DPYD: variants seen among roughly 807,000 people sequenced by gnomAD.
DPYD encodes the protein dihydropyrimidine dehydrogenase [NADP(+)].
In DPYD, 109 loss-of-function variants were observed where a neutral mutation model predicts 116.2. That is an observed-to-expected ratio of 0.94 (90% CI 0.80 to 1.10). The LOEUF (loss-of-function observed/expected upper bound fraction) is 1.10, where lower values mean the gene tolerates loss of function less well. Among genes scored for constraint, DPYD ranks in the 50% least tolerant of loss-of-function variants. The pLI, the probability that DPYD is intolerant of heterozygous loss-of-function variation, is 0.00. For synonymous variants in DPYD, 440 were observed against 432.0 expected (o/e 1.02, Z -0.23); for missense variants, 1,302 against 1,254.5 (o/e 1.04, Z -0.57).
chr1:97,231,743 A>T (rs1661601031), intron 19 of DPYD, among the ~76,000 whole-genome samples: 1 of 152,108 alleles, frequency 6.6e-6, no homozygotes, highest in Non-Finnish European at 1.5e-5. Flanking sequence ...ATATTTAAAA[A>T]TTTCACTCTC....
chr1:97,677,196 A>C (rs761869921), intron 8 of DPYD, among the ~76,000 whole-genome samples: 3 of 152,184 alleles, frequency 2.0e-5, no homozygotes, highest in Non-Finnish European at 4.4e-5. Flanking sequence ...TAATTTGCTT[A>C]TGTAATTAAT....
chr1:97,587,949 G>A (rs1170510209), intron 10 of DPYD, among the ~76,000 whole-genome samples: 2 of 151,856 alleles, frequency 1.3e-5, no homozygotes, highest in Admixed American at 1.3e-4. Context: ...AGGCCTATAG[G>A]TCATGCCACA....
intron 20 of DPYD, among the ~76,000 whole-genome samples, chr1:97,157,072 A>T (rs924359995): frequency 1.5e-5 from 2 of 136,838 alleles, no homozygotes; most frequent in African/African-American, 2.7e-5. Flanking sequence ...AACAATGAGA[A>T]CACATGGACA....
At chr1:97,848,566 G>A (rs1415390248) in intron 2 of DPYD, among the ~76,000 whole-genome samples, 1 of 152,182 alleles carries the variant, frequency 6.6e-6, no homozygotes, top group Non-Finnish European at 1.5e-5. Flanking sequence ...GGCAACAGAT[G>A]TATTAGTTTT....
chr1:97,724,412 T>C (rs1205733599), intron 4 of DPYD, among the ~76,000 whole-genome samples: 1 of 150,572 alleles, frequency 6.6e-6, no homozygotes, highest in Non-Finnish European at 1.5e-5. Flanking sequence ...AACCTGCAAA[T>C]TTCCAAGATC....
chr1:97,677,901 C>A, intron 8 of DPYD, among the ~76,000 whole-genome samples: 1 of 152,160 alleles, frequency 6.6e-6, no homozygotes, highest in South Asian at 2.1e-4. Context: ...ACAAACATTA[C>A]TCAGTGTGTG....
intron 12 of DPYD, among the ~76,000 whole-genome samples, chr1:97,539,854 G>T (rs539906130): frequency 1.3e-5 from 2 of 152,138 alleles, no homozygotes; most frequent in African/African-American, 4.8e-5. Context: ...TTTCTCAGTG[G>T]CAGGACAAAA....
chr1:97,875,373 A>G (rs1301877781), intron 2 of DPYD, among the ~76,000 whole-genome samples: 4 of 151,986 alleles, frequency 2.6e-5, no homozygotes, highest in Non-Finnish European at 4.4e-5. Flanking sequence ...TTGGCTGTTA[A>G]TAAACACATA....
At chr1:97,768,676 C>T (rs747501654) in intron 3 of DPYD, among the ~76,000 whole-genome samples, 3 of 152,000 alleles carry the variant, frequency 2.0e-5, no homozygotes, top group Non-Finnish European at 4.4e-5. Context: ...ATAAATGCTC[C>T]ACATTTTTTG....
intron 19 of DPYD, among the ~76,000 whole-genome samples, chr1:97,209,005 G>C (rs193003615): frequency 6.6e-6 from 1 of 152,106 alleles, no homozygotes; most frequent in East Asian, 1.9e-4. Context: ...AAGATGAGTT[G>C]CTCCATTGAG....
At chr1:97,743,427 A>G (rs570947064) in intron 3 of DPYD, among the ~76,000 whole-genome samples, 1 of 152,252 alleles carries the variant, frequency 6.6e-6, no homozygotes, top group East Asian at 1.9e-4. Context: ...CTAATAAAAT[A>G]TCAACCACTG....
chr1:97,399,124 T>A (rs544316251), intron 14 of DPYD, among the ~76,000 whole-genome samples: 1 of 152,196 alleles, frequency 6.6e-6, no homozygotes, highest in Admixed American at 6.5e-5. Context: ...AATTTTTGTA[T>A]AAGGTGTAAG....
intron 7 of DPYD, 152 bp downstream of exon 7, chr1:97,691,562 AATG>A: frequency 3.1e-6 from 2 of 645,046 alleles, no homozygotes; most frequent in Non-Finnish European, 5.4e-6. Context: ...TAGACAGACA[AATG>A]CCCTAAGCAA....
chr1:97,826,590 T>C (rs564066221), intron 3 of DPYD, among the ~76,000 whole-genome samples: 1 of 152,290 alleles, frequency 6.6e-6, no homozygotes, highest in South Asian at 2.1e-4. Context: ...TTTAAACTTA[T>C]CATAATAAGC....
chr1:97,096,397 C>T (rs925223624), intron 21 of DPYD, among the ~76,000 whole-genome samples: 8 of 152,048 alleles, frequency 5.3e-5, no homozygotes, highest in Non-Finnish European at 1.2e-4. Flanking sequence ...GAAATTTTTA[C>T]ACCTAAGGAA....
chr1:97,778,155 C>CA (rs11434465), intron 3 of DPYD, among the ~76,000 whole-genome samples: 7,491 of 10,820 alleles, frequency 0.69, 2,759 homozygotes, highest in Non-Finnish European at 0.83. Context: ...AAGACCCTGT[C>CA]AAAAAAAAAA....
intron 11 of DPYD, among the ~76,000 whole-genome samples, chr1:97,554,677 T>C (rs1412802368): frequency 1.3e-5 from 2 of 152,098 alleles, no homozygotes; most frequent in African/African-American, 2.4e-5. Flanking sequence ...TAACCTGGGG[T>C]AAGGAAGGGC....
At chr1:97,289,349 C>T (rs561550545) in intron 18 of DPYD, among the ~76,000 whole-genome samples, 3 of 152,172 alleles carry the variant, frequency 2.0e-5, no homozygotes, top group Non-Finnish European at 4.4e-5. Flanking sequence ...AGGCCAGCAT[C>T]ATCCTGATAC....
At chr1:97,716,442 A>G (rs1662621270) in intron 5 of DPYD, among the ~76,000 whole-genome samples, 1 of 152,114 alleles carries the variant, frequency 6.6e-6, no homozygotes, top group Non-Finnish European at 1.5e-5. Context: ...TGTAAAAAAA[A>G]TAGAGCTCCA....
Sources: allele counts gnomAD v4.1 joint callset (sites outside exome capture counted in the v4.1 genomes callset), GRCh38; gene constraint gnomAD v4.1.1; transcripts MANE v1.5; gene names NCBI Gene and HGNC (gene_info 2026-07-23, HGNC 2026-07-21).